The following RBCK1 variants were observed in gnomAD, a reference collection of about 807,000 sequenced individuals.
The protein encoded by RBCK1 is ranBP-type and C3HC4-type zinc finger-containing protein 1.
RBCK1 carries 44 observed loss-of-function variants against 71.1 expected under a neutral mutation model. That is an observed-to-expected ratio of 0.62 (90% CI 0.49 to 0.80). RBCK1 has a LOEUF of 0.80. Among genes scored for constraint, RBCK1 ranks in the 30% least tolerant of loss-of-function variants. The pLI, the probability that RBCK1 is intolerant of heterozygous loss-of-function variation, is 0.00. For missense variants in RBCK1, 569 were observed against 685.0 expected, an observed-to-expected ratio of 0.83 and a Z score of 1.89; for synonymous variants, 306 against 279.7, an observed-to-expected ratio of 1.09 and a Z score of -0.94.
chr20:421,053 C>T (rs1280599362), intron 7 of RBCK1, 22 bp downstream of exon 7: 3 of 1,522,064 alleles, frequency 2.0e-6, no homozygotes, highest in Non-Finnish European at 2.7e-6. Context: ...AGTCCCACCC[C>T]CGGCAATGCA....
chr20:428,561 C>A lies in RBCK1; in HGVS notation c.1280C>A (p.Ala427Asp). The A allele has an allele frequency of 2.5e-6, 4 of 1,612,302 alleles. No homozygotes were observed. Among genetic ancestry groups the A allele is most frequent in the Non-Finnish European group, 3.4e-6 (4 of 1,179,372 alleles). Residue 427 changes from alanine (A) to aspartate (D), a missense_variant, in exon 10 of 12, where the codon GCT becomes GAT. Physicochemically the swap from Ala to Asp is moderately radical, Grantham distance 126 (BLOSUM62 -2). This residue lies in a region of RBCK1 where 211 missense variants were observed against 309.4 expected (regional missense o/e 0.68). Coordinates refer to ENST00000356286, the MANE Select transcript of RBCK1 (RefSeq NM_031229.4). The surrounding 1 kb of genome is among the most constrained non-coding windows in gnomAD (Gnocchi z 5.7). ...DLALRAQNDV[A>D]ARQTTEMLKV... ...GCCCTGCGGGCTCAGAACGATGTGGCTGCCCGGCAGACGACAGAGATGCTG... is the reference window on the plus strand; with the variant it reads ...GCCCTGCGGGCTCAGAACGATGTGGATGCCCGGCAGACGACAGAGATGCTG...
In RBCK1 at chr20:416,249, G is replaced by A. The variant is rs540509415; in HGVS notation, c.168-1277G>A. Among the ~76,000 whole-genome samples, 150 of 149,534 alleles carry A rather than the reference G, an allele frequency of 1.0e-3. No homozygotes were observed. The Middle Eastern group carries it at 0.024, about 24-fold the overall frequency. On this transcript the variant is annotated intron_variant, in intron 2 of 11. Coordinates refer to ENST00000356286, the MANE Select transcript of RBCK1 (RefSeq NM_031229.4). ...TGGCTCACTGCACGGTCCGCCTCCC[G>A]GGTTCACACCATTCTCCTGCCTCAA...
chr20:410,170 C>T, intron 2 of RBCK1, 145 bp downstream of exon 2: 1 of 919,328 alleles, frequency 1.1e-6, no homozygotes, highest in Non-Finnish European at 1.6e-6. Flanking sequence ...CTGTGAAATA[C>T]AGAGCAGGTC....
chr20:408,900 C>G (rs2015533542), intron 1 of RBCK1, 121 bp downstream of exon 1: 4 of 1,190,120 alleles, frequency 3.4e-6, no homozygotes, highest in Non-Finnish European at 4.7e-6. Context: ...TCCCTCTACC[C>G]TCCTCCCCAT....
At chr20:429,528 T>C (rs897342593) in intron 11 of RBCK1, among the ~76,000 whole-genome samples, 2 of 152,224 alleles carry the variant, frequency 1.3e-5, no homozygotes, top group African/African-American at 2.4e-5. Flanking sequence ...GCCGCAAGAA[T>C]GTTCTTTACA....
Position 428,925 on chromosome 20 carries a change from C to A in RBCK1, c.1309-26C>A. 6.3e-7 allele frequency: 1 copy of A among 1,589,574 alleles called. No individual in the cohort carries two copies. The highest frequency in any genetic ancestry group is 8.5e-7 in the Non-Finnish European group (1 of 1,171,672). The stretch of plus-strand genomic sequence containing the variant: ...CTGGGTGACTGCCCCAGCCCCGCCC[C>A]AGGGCCAGCACCTGCCCCACTCCAG... On this transcript the variant is annotated intron_variant, in intron 10 of 11. Transcript: ENST00000356286. This position sits in a 1 kb window ranked among gnomAD's most constrained non-coding sequence, Gnocchi z 5.7.
At chr20:418,600 C>A (rs951227077) in intron 4 of RBCK1, among the ~76,000 whole-genome samples, 1 of 152,204 alleles carries the variant, frequency 6.6e-6, no homozygotes, top group South Asian at 2.1e-4. Context: ...GATCTCCTGA[C>A]TTTGTGATCC....
intron 2 of RBCK1, chr20:410,357 G>A (rs1466312082): frequency 7.8e-6 from 6 of 766,428 alleles, no homozygotes; most frequent in Admixed American, 1.8e-5. Context: ...TTCTGCTCCC[G>A]ACAGTCCTCA....
intron 2 of RBCK1, among the ~76,000 whole-genome samples, chr20:411,977 T>C (rs1018966764): frequency 6.6e-6 from 1 of 152,260 alleles, no homozygotes; most frequent in South Asian, 2.1e-4. Context: ...TGGACACGTT[T>C]TCATTTCTCT....
intron 6 of RBCK1, 22 bp from the exon 7 acceptor site, chr20:420,849 T>A (rs1227855936): frequency 6.5e-7 from 1 of 1,530,138 alleles, no homozygotes; most frequent in Non-Finnish European, 8.8e-7. Flanking sequence ...ACCCGCCCCG[T>A]GGCCCCGCCC....
chr20:426,616 C>T (rs937194553), intron 8 of RBCK1, among the ~76,000 whole-genome samples: 1 of 152,012 alleles, frequency 6.6e-6, no homozygotes, highest in Non-Finnish European at 1.5e-5. Context: ...TCATGTCTTT[C>T]CCAACATTGC....
chr20:420,108 C>G (rs955377599), intron 6 of RBCK1: 22 of 985,196 alleles, frequency 2.2e-5, no homozygotes, highest in Non-Finnish European at 2.7e-5. Context: ...GACCTCACCC[C>G]CACCCGTCTG....
intron 8 of RBCK1, among the ~76,000 whole-genome samples, chr20:425,895 G>C (rs1358964436): frequency 6.6e-6 from 1 of 152,142 alleles, no homozygotes. Flanking sequence ...AGAGTGTTCA[G>C]ATTACAGGCG....
At chr20:420,797 G>C in intron 6 of RBCK1, 74 bp from the exon 7 acceptor site, 1 of 1,359,184 alleles carries the variant, frequency 7.4e-7, no homozygotes, top group Non-Finnish European at 9.8e-7. Context: ...CACGCCCCCT[G>C]GCCCTTCCCC....
In RBCK1 at chr20:417,167, C is replaced by T. The variant is rs1448702047; in HGVS notation, c.168-359C>T. 1 of 496,202 alleles carries T rather than the reference C, an allele frequency of 2.0e-6. No homozygotes were observed. The highest frequency in any genetic ancestry group is 4.1e-6 in the Non-Finnish European group (1 of 243,682). The allele number at this position is 496,202 out of a possible 1,614,324, so 30.7% of individuals were successfully genotyped here. Reference sequence around the variant, plus strand: ...TAAATGAGTTAATACACATGAAGTGCATTAAATAGTCTTAGCACGTAGTTA... The same window carrying T: ...TAAATGAGTTAATACACATGAAGTGTATTAAATAGTCTTAGCACGTAGTTA... On this transcript the variant is annotated intron_variant, in intron 2 of 11. Transcript: ENST00000356286. This position sits in a 1 kb window ranked among gnomAD's most constrained non-coding sequence, Gnocchi z 4.7.
At chr20:413,751 C>A (rs2015832630) in intron 2 of RBCK1, among the ~76,000 whole-genome samples, 1 of 152,104 alleles carries the variant, frequency 6.6e-6, no homozygotes, top group Non-Finnish European at 1.5e-5. Flanking sequence ...CTGTTGGGTT[C>A]TCATCGATGG....
rs893861762 is a variant in RBCK1 at position 422,032 on chromosome 20, G to T, written c.918-95G>T. ...AGAAGTCCACCTGGGGTGACTGAGT[G>T]AGGCCCCTGGGGTCAGGCCTTGCCA... On this transcript the variant is annotated intron_variant, in intron 7 of 11. Coordinates refer to ENST00000356286, the MANE Select transcript of RBCK1 (RefSeq NM_031229.4). This position sits in a 1 kb window ranked among gnomAD's most constrained non-coding sequence, Gnocchi z 5.0. 1.6e-5 allele frequency: 14 copies of T among 902,768 alleles called. No individual in the cohort carries two copies. In the African/African-American group the frequency reaches 2.3e-4, roughly 15 times the overall value. The allele number at this position is 902,768 out of a possible 1,614,324, so 55.9% of individuals were successfully genotyped here.
chr20:419,836 GC>G (rs2016271609), intron 6 of RBCK1, 105 bp downstream of exon 6: 1 of 1,453,538 alleles, frequency 6.9e-7, no homozygotes, highest in Non-Finnish European at 9.1e-7. Flanking sequence ...TTACTGCCTT[GC>G]CCCTCCCAAC....
intron 6 of RBCK1, chr20:420,025 G>A: frequency 3.0e-6 from 3 of 984,074 alleles, no homozygotes; most frequent in Non-Finnish European, 3.6e-6. Flanking sequence ...CACACCACAC[G>A]AGTATGGCTG....
Sources: gnomAD v4.1 joint callset for allele counts (sites outside exome capture counted in the v4.1 genomes callset) on GRCh38, gnomAD v4.1.1 for gene constraint, gnomAD v4.1.1 regional missense constraint, Gnocchi (gnomAD v3.1) non-coding constraint, MANE v1.5 for transcripts, NCBI Gene and HGNC (gene_info 2026-07-23, HGNC 2026-07-21) for gene names.